Variants in NOL4 observed in about 807,000 individuals in gnomAD.
NOL4 encodes the protein nucleolar protein 4.
Under a neutral mutation model 75.9 loss-of-function variants are expected in NOL4, and 17 were observed. That is an observed-to-expected ratio of 0.22 (90% CI 0.15 to 0.34). NOL4 has a LOEUF of 0.34. NOL4 is among the 10% of genes least tolerant of loss of function. The probability of loss-of-function intolerance (pLI) is 1.00; values close to 1 mark genes in which losing one functional copy is unlikely to be tolerated. For missense variants in NOL4, 614 were observed against 793.5 expected (o/e 0.77, Z 2.72); for synonymous variants, 292 against 289.9 (o/e 1.01, Z -0.07).
At chr18:34,188,605 C>T (rs984972932) in intron 1 of NOL4, among the ~76,000 whole-genome samples, 1 of 152,078 alleles carries the variant, frequency 6.6e-6, no homozygotes, top group Non-Finnish European at 1.5e-5. Context: ...AATGTGAATA[C>T]CTAATGTATT....
At chr18:34,073,415 A>C (rs1157596816) in intron 5 of NOL4, among the ~76,000 whole-genome samples, 1 of 152,172 alleles carries the variant, frequency 6.6e-6, no homozygotes, top group Non-Finnish European at 1.5e-5. Context: ...ATCTCTTATA[A>C]AAAATGATGT....
At chr18:33,917,135 T>C (rs1159063308) in intron 9 of NOL4, among the ~76,000 whole-genome samples, 1 of 152,174 alleles carries the variant, frequency 6.6e-6, no homozygotes, top group Non-Finnish European at 1.5e-5. Context: ...GGAGCCTAGA[T>C]TATGCAAATG....
chr18:33,969,111 G>A (rs1348458013), intron 6 of NOL4, among the ~76,000 whole-genome samples: 1 of 152,236 alleles, frequency 6.6e-6, no homozygotes, highest in African/African-American at 2.4e-5. Flanking sequence ...AAGTTTCCCT[G>A]CGCAGTGATT....
chr18:33,942,953 T>C (rs1444637292), intron 9 of NOL4, 112 bp downstream of exon 9: 2 of 694,678 alleles, frequency 2.9e-6, no homozygotes, highest in Non-Finnish European at 4.9e-6. Context: ...AAAAACTATA[T>C]CTCTGTGTAC....
intron 4 of NOL4, among the ~76,000 whole-genome samples, chr18:34,095,361 T>C (rs758291895): frequency 2.6e-5 from 4 of 151,936 alleles, no homozygotes; most frequent in Non-Finnish European, 5.9e-5. Flanking sequence ...GTGTTGATCA[T>C]ATACAAATAC....
At chr18:33,854,025 T>G (rs1484901701) in intron 10 of NOL4, among the ~76,000 whole-genome samples, 2 of 152,164 alleles carry the variant, frequency 1.3e-5, no homozygotes, top group Non-Finnish European at 2.9e-5. Context: ...AAATTTGCAG[T>G]ATTAAATTTA....
At chr18:34,199,553 T>C (rs148373363) in intron 1 of NOL4, among the ~76,000 whole-genome samples, 2 of 152,036 alleles carry the variant, frequency 1.3e-5, no homozygotes, top group Admixed American at 1.3e-4. Flanking sequence ...AGTTTTTAAC[T>C]TCACTGTATC....
At chr18:33,974,733 C>CAG (rs562329800) in intron 6 of NOL4, among the ~76,000 whole-genome samples, 248 of 152,134 alleles carry the variant, frequency 1.6e-3, no homozygotes, top group African/African-American at 5.6e-3. Flanking sequence ...TTGCTTGACA[C>CAG]AGTTTCCTCT....
At chr18:33,895,494 G>C (rs879324923) in intron 9 of NOL4, among the ~76,000 whole-genome samples, 1 of 151,964 alleles carries the variant, frequency 6.6e-6, no homozygotes, top group African/African-American at 2.4e-5. Flanking sequence ...AATTTTTAAA[G>C]AAATATTTTC....
rs2062671630 is a variant in NOL4, at chr18:33,852,591, A to C, written c.*251T>G. On this transcript the variant is annotated 3_prime_UTR_variant, in exon 11 of 11. Coordinates refer to ENST00000261592, the MANE Select transcript of NOL4 (RefSeq NM_003787.5). Reference sequence around the variant, plus strand: ...GAATAGATAGCCTTTTATGCCCCTGATATTTATGGTGACACACTAAAACAA... The same window carrying C: ...GAATAGATAGCCTTTTATGCCCCTGCTATTTATGGTGACACACTAAAACAA... 6.2e-6 allele frequency: 2 copies of C among 321,608 alleles called. No individual in the cohort carries two copies. The highest frequency in any genetic ancestry group is 4.8e-5 in the Admixed American group (1 of 20,776). The allele number at this position is 321,608 out of a possible 1,614,324, so 19.9% of individuals were successfully genotyped here.
rs553494324 is a variant in NOL4 at position 34,209,173 on chromosome 18, G to A, written c.264+13817C>T. Among the ~76,000 whole-genome samples, 12 of 146,598 alleles carry A rather than the reference G, an allele frequency of 8.2e-5. No homozygotes were observed. The East Asian group carries it at 1.8e-3, about 22-fold the overall frequency. On this transcript the variant is annotated intron_variant, in intron 1 of 10. Transcript: ENST00000261592. ...CACACCACTGCACTCCAGCCTGGGC[G>A]GCAGAGTGAGACTCTGTCTCCAAAA...
intron 6 of NOL4, among the ~76,000 whole-genome samples, chr18:33,980,732 A>G (rs1024687918): frequency 6.6e-6 from 1 of 152,040 alleles, no homozygotes; most frequent in Non-Finnish European, 1.5e-5. Context: ...TTACAAATAT[A>G]TTACTAAAGA....
intron 1 of NOL4, among the ~76,000 whole-genome samples, chr18:34,209,388 T>C (rs576284118): frequency 2.0e-5 from 3 of 152,160 alleles, no homozygotes; most frequent in East Asian, 3.9e-4. Flanking sequence ...CTAAAAAATA[T>C]GCTAGGTATT....
At chr18:34,172,281 T>C (rs766552289) in intron 1 of NOL4, among the ~76,000 whole-genome samples, 2 of 152,140 alleles carry the variant, frequency 1.3e-5, no homozygotes, top group Non-Finnish European at 2.9e-5. Context: ...TTGACTAATA[T>C]AACTGAATCA....
chr18:34,013,755 T>C (rs1176933863), intron 6 of NOL4, among the ~76,000 whole-genome samples: 1 of 152,008 alleles, frequency 6.6e-6, no homozygotes, highest in African/African-American at 2.4e-5. Flanking sequence ...AATACACTCA[T>C]TTATATGTCT....
At chr18:34,218,117 A>C (rs931188212) in intron 1 of NOL4, among the ~76,000 whole-genome samples, 3 of 151,980 alleles carry the variant, frequency 2.0e-5, no homozygotes, top group Non-Finnish European at 4.4e-5. Flanking sequence ...AAAAAACAAA[A>C]AACAAAGAGT....
At chr18:33,902,357 G>C (rs577013824) in intron 9 of NOL4, among the ~76,000 whole-genome samples, 2 of 152,140 alleles carry the variant, frequency 1.3e-5, no homozygotes, top group Non-Finnish European at 2.9e-5. Context: ...ACTGCTTTCA[G>C]CTTTTTCTTC....
At chr18:34,077,439 A>G (rs1305151153) in intron 5 of NOL4, among the ~76,000 whole-genome samples, 1 of 152,180 alleles carries the variant, frequency 6.6e-6, no homozygotes, top group Non-Finnish European at 1.5e-5. Flanking sequence ...ATACACATAT[A>G]TACACACACA....
intron 1 of NOL4, among the ~76,000 whole-genome samples, chr18:34,151,204 A>C (rs2081622227): frequency 6.6e-6 from 1 of 151,820 alleles, no homozygotes; most frequent in African/African-American, 2.4e-5. Flanking sequence ...CCAAACATCT[A>C]CCTTTGTATT....
Sources: gnomAD v4.1 joint callset for allele counts (sites outside exome capture counted in the v4.1 genomes callset) on GRCh38, gnomAD v4.1.1 for gene constraint, MANE v1.5 for transcripts, NCBI Gene and HGNC (gene_info 2026-07-23, HGNC 2026-07-21) for gene names.